The following LCP1 variants were observed in gnomAD, a reference collection of about 807,000 sequenced individuals.
LCP1 encodes the protein plastin-2.
Under a neutral mutation model 72.0 loss-of-function variants are expected in LCP1, and 23 were observed. The ratio of observed to expected loss-of-function variants is 0.32; its 90% confidence interval spans 0.23 to 0.45. LCP1 has a LOEUF of 0.45. LCP1 is among the 20% of genes least tolerant of loss of function. LCP1 has a pLI of 1.00. For synonymous variants in LCP1, 245 were observed against 275.4 expected (o/e 0.89, Z 1.09); for missense variants, 571 against 748.3 (o/e 0.76, Z 2.76).
At chr13:46,145,705 C>T (rs527974736) in intron 10 of LCP1, among the ~76,000 whole-genome samples, 1 of 78,890 alleles carries the variant, frequency 1.3e-5, no homozygotes, top group African/African-American at 6.8e-5. Context: ...GTCAGGAGAT[C>T]GAGACCATCC....
At chr13:46,159,154 A>G (rs953712928) in intron 2 of LCP1, 165 bp from the exon 3 acceptor site, 7 of 637,842 alleles carry the variant, frequency 1.1e-5, no homozygotes, top group Non-Finnish European at 1.6e-5. Context: ...GACTGTTGCT[A>G]CTGAATAGGG....
intron 2 of LCP1, 119 bp downstream of exon 2, chr13:46,159,480 A>G (rs1433591370): frequency 3.9e-6 from 3 of 776,970 alleles, no homozygotes; most frequent in Non-Finnish European, 4.4e-6. Flanking sequence ...CTCTAAACAA[A>G]TACTACTGGT....
At chr13:46,167,472 G>T (rs1207530247) in intron 1 of LCP1, among the ~76,000 whole-genome samples, 1 of 152,120 alleles carries the variant, frequency 6.6e-6, no homozygotes, top group Non-Finnish European at 1.5e-5. Flanking sequence ...TGCAAGAAAA[G>T]GGGATACTCC....
chr13:46,168,962 T>C (rs1334108100), intron 1 of LCP1, among the ~76,000 whole-genome samples: 1 of 152,226 alleles, frequency 6.6e-6, no homozygotes, highest in Non-Finnish European at 1.5e-5. Flanking sequence ...CTATGCCAAC[T>C]TCCTTATAGA....
In LCP1 at chr13:46,154,951, A is replaced by G. The variant is rs1482295344; in HGVS notation, c.492-65T>C. On this transcript the variant is annotated intron_variant, in intron 5 of 15. Coordinates refer to ENST00000323076, the MANE Select transcript of LCP1 (RefSeq NM_002298.5). ...GAATAACAGAGCCCAGTAACGTTGAATTTAAATTCTAGCAATACCATAATC... is the reference window on the plus strand; with the variant it reads ...GAATAACAGAGCCCAGTAACGTTGAGTTTAAATTCTAGCAATACCATAATC... 5 of 1,239,720 alleles carry G rather than the reference A, an allele frequency of 4.0e-6. No individual in the cohort carries two copies. The African/African-American group carries it at 6.0e-5, about 15-fold the overall frequency. The allele number at this position is 1,239,720 out of a possible 1,614,324, so 76.8% of individuals were successfully genotyped here.
intron 1 of LCP1, among the ~76,000 whole-genome samples, chr13:46,162,171 G>A (rs374099326): frequency 5.2e-4 from 79 of 151,790 alleles, no homozygotes; most frequent in African/African-American, 1.9e-3. Flanking sequence ...CTGTCTACTC[G>A]GGTTCTCTGC....
At position 46,126,695 on chromosome 13, in the gene LCP1, G is replaced by A. The variant is rs2045600539; in HGVS notation, c.*896C>T. 2 of 231,522 alleles carry A rather than the reference G, an allele frequency of 8.6e-6. No individual in the cohort carries two copies. Among genetic ancestry groups the A allele is most frequent in the Admixed American group, 1.1e-4 (2 of 17,704 alleles). The allele number at this position is 231,522 out of a possible 1,614,324, so 14.3% of individuals were successfully genotyped here. A position where few individuals can be genotyped will look rare whatever the true frequency, so the allele number is the denominator to read the frequency against. On this transcript the variant is annotated 3_prime_UTR_variant, in exon 16 of 16. Coordinates refer to ENST00000323076, the MANE Select transcript of LCP1 (RefSeq NM_002298.5). ...GATCTAATGTGAGGGCTAAATGCCTGGAGAGGCAGAACCCTAAAGGATGCT... is the reference window on the plus strand; with the variant it reads ...GATCTAATGTGAGGGCTAAATGCCTAGAGAGGCAGAACCCTAAAGGATGCT...
rs555673761 is a variant in LCP1, at chr13:46,139,517, T to C, written c.1502+2775A>G. 6.6e-5 allele frequency among the ~76,000 whole-genome samples: 10 copies of C among 152,316 alleles called. 1 individual carries two copies. In the South Asian group the frequency reaches 2.1e-3, roughly 32 times the overall value. ...TGCCATTATCTTTCCAGACAGAATG[T>C]AATGTGACATGCAGTTTCTGGGGCT... On this transcript the variant is annotated intron_variant, in intron 13 of 15. Transcript: ENST00000323076.
intron 13 of LCP1, 88 bp downstream of exon 13, chr13:46,142,204 G>T: frequency 7.5e-7 from 1 of 1,335,628 alleles, no homozygotes; most frequent in Non-Finnish European, 1.1e-6. Flanking sequence ...TACTTTTACT[G>T]AATTAACTCA....
rs139756558 is a variant in LCP1, at chr13:46,163,516, T to A, written c.-24-3830A>T. ...AACACTGCGGAAGGCCGCAGGGTCC[T>A]CTGCCTAGGAAAACCAGACACCTTT... On this transcript the variant is annotated intron_variant, in intron 1 of 15. Coordinates refer to ENST00000323076, the MANE Select transcript of LCP1 (RefSeq NM_002298.5). Among the ~76,000 whole-genome samples, 380 of 152,166 alleles carry A rather than the reference T, an allele frequency of 2.5e-3. 6 individuals carry two copies. The East Asian group carries it at 0.064, about 26-fold the overall frequency.
At chr13:46,133,496 T>C (rs560687541) in intron 14 of LCP1, among the ~76,000 whole-genome samples, 74 of 151,914 alleles carry the variant, frequency 4.9e-4, no homozygotes, top group Non-Finnish European at 7.9e-4. Flanking sequence ...CATGGTAGTG[T>C]GCACCTGTAG....
At chr13:46,134,596 C>A (rs7328262) in intron 13 of LCP1, among the ~76,000 whole-genome samples, 145,692 of 152,294 alleles carry the variant, frequency 0.96, 69,752 homozygotes, top group East Asian at 1. Flanking sequence ...AAAAATCAAG[C>A]AATAACTCAA....
At chr13:46,139,754 T>A (rs1843518370) in intron 13 of LCP1, among the ~76,000 whole-genome samples, 1 of 152,224 alleles carries the variant, frequency 6.6e-6, no homozygotes, top group South Asian at 2.1e-4. Context: ...TAATTTATTT[T>A]CTATTTGTGT....
chr13:46,144,722 G>T (rs770247796), intron 10 of LCP1, among the ~76,000 whole-genome samples: 1 of 152,178 alleles, frequency 6.6e-6, no homozygotes, highest in Non-Finnish European at 1.5e-5. Context: ...TATTTCTATA[G>T]TATCTATTAA....
chr13:46,153,033 C>G (rs2045778497), intron 6 of LCP1, 88 bp from the exon 7 acceptor site: 2 of 1,283,416 alleles, frequency 1.6e-6, no homozygotes, highest in Non-Finnish European at 2.1e-6. Flanking sequence ...TGTTTTCCTT[C>G]TGCGAAGGTC....
intron 13 of LCP1, among the ~76,000 whole-genome samples, chr13:46,139,471 G>A (rs1238414385): frequency 6.6e-6 from 1 of 152,240 alleles, no homozygotes; most frequent in Non-Finnish European, 1.5e-5. Flanking sequence ...CAGTGCCTAG[G>A]CACACCACGA....
chr13:46,138,835 T>A (rs955600676), intron 13 of LCP1, among the ~76,000 whole-genome samples: 2 of 152,082 alleles, frequency 1.3e-5, no homozygotes, highest in Non-Finnish European at 2.9e-5. Flanking sequence ...TTAGTAGAGA[T>A]GGGGTTTCAC....
chr13:46,175,278 A>G (rs1418309648), intron 1 of LCP1, among the ~76,000 whole-genome samples: 1 of 152,224 alleles, frequency 6.6e-6, no homozygotes, highest in Non-Finnish European at 1.5e-5. Context: ...TACCTAGACG[A>G]CAACATGGGA....
intron 1 of LCP1, among the ~76,000 whole-genome samples, chr13:46,161,817 A>G (rs1403595879): frequency 2.0e-5 from 3 of 152,240 alleles, no homozygotes; most frequent in South Asian, 2.1e-4. Context: ...CTGAAAATCT[A>G]TCTCCAAGTT....
Sources: gnomAD v4.1 joint callset for allele counts (sites outside exome capture counted in the v4.1 genomes callset) on GRCh38, gnomAD v4.1.1 for gene constraint, MANE v1.5 for transcripts, NCBI Gene and HGNC (gene_info 2026-07-23, HGNC 2026-07-21) for gene names.